Variants in CADM2 observed in about 807,000 individuals in gnomAD.
CADM2 encodes cell adhesion molecule 2.
In CADM2, 12 loss-of-function variants were observed where a neutral mutation model predicts 49.8. That is an observed-to-expected ratio of 0.24 (90% CI 0.15 to 0.39). The LOEUF (loss-of-function observed/expected upper bound fraction) is 0.39, where lower values mean the gene tolerates loss of function less well. Ranked by LOEUF, CADM2 falls within the 10% of genes least tolerant of loss-of-function variation. The pLI is 1.00. For synonymous variants in CADM2, 214 were observed against 175.4 expected (o/e 1.22, Z -1.74); for missense variants, 378 against 492.3 (o/e 0.77, Z 2.20).
intron 1 of CADM2, among the ~76,000 whole-genome samples, chr3:85,259,855 A>G (rs1464730850): frequency 2.0e-5 from 3 of 152,166 alleles, no homozygotes; most frequent in East Asian, 1.9e-4. Flanking sequence ...GGAAAAAATA[A>G]TAACATGTAA....
intron 2 of CADM2, among the ~76,000 whole-genome samples, chr3:85,779,693 T>C (rs766569851): frequency 2.6e-5 from 4 of 152,152 alleles, no homozygotes; most frequent in Non-Finnish European, 5.9e-5. Context: ...CAATTCAAGA[T>C]GAGATTTGGG....
At chr3:85,809,222 C>G (rs758203127) in intron 3 of CADM2, among the ~76,000 whole-genome samples, 3 of 152,130 alleles carry the variant, frequency 2.0e-5, no homozygotes, top group Non-Finnish European at 4.4e-5. Context: ...GTAGGCATTC[C>G]TATTTTATAT....
chr3:86,014,529 G>C, intron 8 of CADM2: 1 of 1,570,960 alleles, frequency 6.4e-7, no homozygotes, highest in South Asian at 1.2e-5. Context: ...AGGTAACTTG[G>C]AATCTCAGCT....
At chr3:85,970,367 G>A (rs1404453290) in intron 8 of CADM2, among the ~76,000 whole-genome samples, 2 of 151,420 alleles carry the variant, frequency 1.3e-5, no homozygotes, top group East Asian at 3.9e-4. Flanking sequence ...GGTGATAGGA[G>A]TGGATATTAA....
chr3:85,569,706 AAAAAAAAAG>A (rs1429744189), intron 1 of CADM2, among the ~76,000 whole-genome samples: 24 of 133,064 alleles, frequency 1.8e-4, no homozygotes, highest in Non-Finnish European at 2.4e-4. Context: ...AATGGCAAAA[AAAAAAAAAG>A]AAAAAAAAAA....
chr3:85,802,683 T>C (rs2072124701), intron 3 of CADM2, among the ~76,000 whole-genome samples: 1 of 152,232 alleles, frequency 6.6e-6, no homozygotes, highest in African/African-American at 2.4e-5. Flanking sequence ...GTTTCCAAAA[T>C]AAACTGAAAT....
chr3:84,983,401 G>A (rs1462469782), intron 1 of CADM2, among the ~76,000 whole-genome samples: 5 of 148,994 alleles, frequency 3.4e-5, no homozygotes, highest in East Asian at 3.9e-4. Flanking sequence ...TATTATTCCC[G>A]TGTAGTAGTT....
intron 8 of CADM2, among the ~76,000 whole-genome samples, chr3:86,057,602 C>A (rs1346777659): frequency 6.6e-6 from 1 of 152,124 alleles, no homozygotes; most frequent in East Asian, 1.9e-4. Flanking sequence ...TAAGAAACAA[C>A]CTTTATCTTC....
chr3:85,118,070 C>T (rs2038709550), intron 1 of CADM2, among the ~76,000 whole-genome samples: 1 of 151,874 alleles, frequency 6.6e-6, no homozygotes, highest in Admixed American at 6.6e-5. Context: ...CTATCCTACC[C>T]CTTTATTTTA....
At chr3:86,012,223 ATCT>A (rs1731596427) in intron 8 of CADM2, among the ~76,000 whole-genome samples, 2 of 152,148 alleles carry the variant, frequency 1.3e-5, no homozygotes, top group East Asian at 1.9e-4. Context: ...AATATGAAAC[ATCT>A]TCTCTTTTAA....
chr3:85,293,903 A>G (rs927421016), intron 1 of CADM2, among the ~76,000 whole-genome samples: 1 of 151,388 alleles, frequency 6.6e-6, no homozygotes, highest in Non-Finnish European at 1.5e-5. Flanking sequence ...CTCCCTCACC[A>G]CTCCTATTCA....
chr3:85,484,510 T>C (rs1001095344), intron 1 of CADM2, among the ~76,000 whole-genome samples: 2 of 151,946 alleles, frequency 1.3e-5, no homozygotes, highest in Non-Finnish European at 1.5e-5. Context: ...ATTTGTATTC[T>C]ATATAGAGCC....
intron 3 of CADM2, among the ~76,000 whole-genome samples, chr3:85,834,227 C>T (rs1327367783): frequency 1.3e-5 from 2 of 151,558 alleles, no homozygotes; most frequent in East Asian, 3.9e-4. Context: ...TTATTATACT[C>T]TTATGGTAAG....
chr3:86,028,380 A>G (rs1734169263), intron 8 of CADM2, among the ~76,000 whole-genome samples: 1 of 152,154 alleles, frequency 6.6e-6, no homozygotes. Context: ...AATTATTTTC[A>G]ATGCTTCCAC....
intron 1 of CADM2, among the ~76,000 whole-genome samples, chr3:85,304,210 G>T (rs138884441): frequency 6.6e-6 from 1 of 151,716 alleles, no homozygotes; most frequent in Non-Finnish European, 1.5e-5. Context: ...TGTGATTGTC[G>T]ATAGTTAAAT....
At chr3:85,369,504 C>T (rs1020787280) in intron 1 of CADM2, among the ~76,000 whole-genome samples, 3 of 152,118 alleles carry the variant, frequency 2.0e-5, no homozygotes, top group Non-Finnish European at 4.4e-5. Context: ...CTCAGTGGCT[C>T]ATGCCTGTAA....
rs372526323 is a variant in CADM2, at chr3:85,477,471, A to T, written c.62-249051A>T. ...AAAGGTACTTCAGAATATATACAGG[A>T]CTTTTCACAGATGATGGAAAAGTAG... On this transcript the variant is annotated intron_variant, in intron 1 of 9. Transcript: ENST00000383699. 4.6e-5 allele frequency among the ~76,000 whole-genome samples: 7 copies of T among 152,000 alleles called. No homozygotes were observed. The South Asian group carries it at 1.0e-3, about 22-fold the overall frequency.
intron 7 of CADM2, among the ~76,000 whole-genome samples, chr3:85,957,147 A>G (rs943875952): frequency 2.0e-5 from 3 of 151,730 alleles, no homozygotes; most frequent in African/African-American, 7.3e-5. Context: ...CGATGTACAT[A>G]GCACAAGACA....
In CADM2 at chr3:85,687,967, G is replaced by A. The variant is rs182272604; in HGVS notation, c.62-38555G>A. On this transcript the variant is annotated intron_variant, in intron 1 of 9. Transcript: ENST00000383699. ...GAGCACAAGCCCTATTGTGAACTGC[G>A]CATTCCAGGGATCTAGGCTGTGCAC... Among the ~76,000 whole-genome samples, 399 of 152,302 alleles carry A rather than the reference G, an allele frequency of 2.6e-3. 4 individuals are homozygous for A. Among genetic ancestry groups the A allele is most frequent in the African/African-American group, 1.0e-3 (42 of 41,574 alleles).
Sources: allele counts gnomAD v4.1 joint callset (sites outside exome capture counted in the v4.1 genomes callset), GRCh38; gene constraint gnomAD v4.1.1; transcripts MANE v1.5; gene names NCBI Gene and HGNC (gene_info 2026-07-23, HGNC 2026-07-21).